ZPBP: variants seen among roughly 807,000 people sequenced by gnomAD.
ZPBP encodes the protein zona pellucida binding protein, also known as zona pellucida-binding protein 1.
In ZPBP, 26 loss-of-function variants were observed where a neutral mutation model predicts 44.8. That is an observed-to-expected ratio of 0.58 (90% CI 0.43 to 0.81). The LOEUF is 0.81. Among genes scored for constraint, ZPBP ranks in the 30% least tolerant of loss-of-function variants. The probability of loss-of-function intolerance (pLI) is 0.00; values close to 1 mark genes in which losing one functional copy is unlikely to be tolerated. For missense variants in ZPBP, 409 were observed against 434.0 expected, an observed-to-expected ratio of 0.94 and a Z score of 0.51; for synonymous variants, 174 against 153.2, an observed-to-expected ratio of 1.14 and a Z score of -1.00.
chr7:49,911,993 T>G, intron 1 of ZPBP: 1 of 1,533,278 alleles, frequency 6.5e-7, no homozygotes, highest in Non-Finnish European at 8.8e-7. Flanking sequence ...TATTATATAT[T>G]TATGCACACA....
chr7:49,846,744 T>C (rs1789957550), downstream of ZPBP, among the ~76,000 whole-genome samples: 1 of 152,228 alleles, frequency 6.6e-6, no homozygotes, highest in Non-Finnish European at 1.5e-5. Context: ...TCCACATTGG[T>C]TGAATTAACT....
chr7:50,092,023 T>C lies in ZPBP; in HGVS notation c.127+1045A>G, dbSNP rs183179695. 4.2e-4 allele frequency among the ~76,000 whole-genome samples: 64 copies of C among 152,318 alleles called. No individual in the cohort carries two copies. In the East Asian group the frequency reaches 8.9e-3, roughly 21 times the overall value. ...GTTACTGTAGAAAATGAGAATACTGTATAAATTGTAAAATGCTATATAAGA... is the reference window on the plus strand; with the variant it reads ...GTTACTGTAGAAAATGAGAATACTGCATAAATTGTAAAATGCTATATAAGA... On this transcript the variant is annotated intron_variant, in intron 1 of 7. Coordinates refer to ENST00000046087, the MANE Select transcript of ZPBP (RefSeq NM_007009.3).
intron 2 of ZPBP, among the ~76,000 whole-genome samples, chr7:50,085,542 T>C (rs1802593330): frequency 6.6e-6 from 1 of 152,002 alleles, no homozygotes; most frequent in Non-Finnish European, 1.5e-5. Flanking sequence ...GCAGGCATGG[T>C]AAGAATGCCT....
intron 3 of ZPBP, among the ~76,000 whole-genome samples, chr7:50,063,009 A>C (rs535932592): frequency 2.0e-5 from 3 of 152,228 alleles, no homozygotes; most frequent in African/African-American, 7.2e-5. Flanking sequence ...TGCAGGGGGA[A>C]GCATACTACA....
intron 2 of ZPBP, among the ~76,000 whole-genome samples, chr7:49,895,129 C>T (rs1205627139): frequency 2.0e-5 from 3 of 152,142 alleles, no homozygotes; most frequent in African/African-American, 4.8e-5. Context: ...AACATAAAGG[C>T]ACTTGCAGAT....
intron 7 of ZPBP, among the ~76,000 whole-genome samples, chr7:49,951,078 ACAATTTATAAAAATTAGTT>A (rs1158052169): frequency 1.3e-5 from 2 of 151,860 alleles, no homozygotes; most frequent in Non-Finnish European, 3.0e-5. Flanking sequence ...CCTACAACAC[ACAATTTATAAAAATTAGTT>A]CAAAATGCAT....
At chr7:49,966,143 A>G (rs559387086) in intron 7 of ZPBP, among the ~76,000 whole-genome samples, 10 of 152,294 alleles carry the variant, frequency 6.6e-5, no homozygotes, top group African/African-American at 1.9e-4. Flanking sequence ...ATAAAACCTC[A>G]AAGAGAAACA....
chr7:49,905,024 G>A (rs377010071), intron 1 of ZPBP, among the ~76,000 whole-genome samples: 18 of 152,224 alleles, frequency 1.2e-4, no homozygotes, highest in African/African-American at 2.9e-4. Context: ...GTGAGCCATC[G>A]TGCCAGGCCA....
At chr7:49,845,051 G>A in the ZPBP span, among the ~76,000 whole-genome samples, 1 of 152,000 alleles carries the variant, frequency 6.6e-6, no homozygotes, top group African/African-American at 2.4e-5. Context: ...ATTTCCGAAT[G>A]TTCTCACTTA....
At chr7:50,034,371 T>C (rs1799736296) in intron 4 of ZPBP, among the ~76,000 whole-genome samples, 1 of 152,106 alleles carries the variant, frequency 6.6e-6, no homozygotes, top group Non-Finnish European at 1.5e-5. Flanking sequence ...GATACAAACT[T>C]TGGAGAAATC....
At chr7:50,049,577 T>C (rs1375310600) in intron 4 of ZPBP, among the ~76,000 whole-genome samples, 2 of 151,994 alleles carry the variant, frequency 1.3e-5, no homozygotes, top group Non-Finnish European at 2.9e-5. Context: ...TATTAACTTA[T>C]GTAAGAAAAA....
downstream of ZPBP, among the ~76,000 whole-genome samples, chr7:49,936,774 A>G (rs993872517): frequency 1.3e-5 from 2 of 152,364 alleles, no homozygotes; most frequent in East Asian, 3.9e-4. Context: ...TCTGTTATAT[A>G]ATATTCATTT....
At chr7:49,846,129 G>A (rs941952337), downstream of ZPBP, among the ~76,000 whole-genome samples, 2 of 152,154 alleles carry the variant, frequency 1.3e-5, no homozygotes, top group Admixed American at 1.3e-4. Context: ...ACTATCCCAA[G>A]GATCTAAGCA....
chr7:49,875,384 A>AAAAAAAAAAC (rs1791364876), intron 2 of ZPBP, among the ~76,000 whole-genome samples: 1 of 149,620 alleles, frequency 6.7e-6, no homozygotes, highest in African/African-American at 2.4e-5. Flanking sequence ...AAAAAAAAAA[A>AAAAAAAAAAC]AAAAAAAAAA....
At chr7:49,879,683 C>T (rs902630548) in intron 2 of ZPBP, among the ~76,000 whole-genome samples, 6 of 152,152 alleles carry the variant, frequency 3.9e-5, no homozygotes, top group African/African-American at 1.4e-4. Context: ...TATTTAATCT[C>T]TCCATCCTAG....
intron 1 of ZPBP, among the ~76,000 whole-genome samples, chr7:49,924,200 C>T (rs983823655): frequency 6.6e-6 from 1 of 151,482 alleles, no homozygotes; most frequent in Non-Finnish European, 1.5e-5. Flanking sequence ...AGTACTAGAT[C>T]TTGATAAGGC....
rs1304485802 is a variant in ZPBP, at chr7:49,970,902, G to C, written c.961+12440C>G. On this transcript the variant is annotated intron_variant, in intron 7 of 7. Coordinates refer to ENST00000046087, the MANE Select transcript of ZPBP (RefSeq NM_007009.3). ...AATAAATAAATAAATAAATAAGCCAGGCATGGTGGTGCATGCCTGTAGTTC... is the reference window on the plus strand; with the variant it reads ...AATAAATAAATAAATAAATAAGCCACGCATGGTGGTGCATGCCTGTAGTTC... Among the ~76,000 whole-genome samples, 3 of 151,374 alleles carry C rather than the reference G, an allele frequency of 2.0e-5. No homozygotes were observed. In the East Asian group the frequency reaches 5.8e-4, roughly 29 times the overall value.
At chr7:49,975,854 T>A (rs1258088201) in intron 7 of ZPBP, among the ~76,000 whole-genome samples, 1 of 152,236 alleles carries the variant, frequency 6.6e-6, no homozygotes, top group Non-Finnish European at 1.5e-5. Context: ...ATACTGAATT[T>A]AAATTGATCG....
At chr7:49,966,902 A>C (rs574591356) in intron 7 of ZPBP, among the ~76,000 whole-genome samples, 1 of 152,244 alleles carries the variant, frequency 6.6e-6, no homozygotes, top group East Asian at 1.9e-4. Flanking sequence ...GAGACCCACA[A>C]GATTTTTCAG....
Sources: gnomAD v4.1 joint callset for allele counts (sites outside exome capture counted in the v4.1 genomes callset) on GRCh38, gnomAD v4.1.1 for gene constraint, MANE v1.5 for transcripts, NCBI Gene and HGNC (gene_info 2026-07-23, HGNC 2026-07-21) for gene names.